PPP3CC: variants seen among roughly 807,000 people sequenced by gnomAD.
The protein encoded by PPP3CC is protein phosphatase 3 catalytic subunit gamma, also known as serine/threonine-protein phosphatase 2B catalytic subunit gamma isoform.
In PPP3CC, 35 loss-of-function variants were observed where a neutral mutation model predicts 60.3. The observed-to-expected ratio is 0.58, with a 90% confidence interval of 0.44 to 0.77. The LOEUF (loss-of-function observed/expected upper bound fraction) is 0.77, where lower values mean the gene tolerates loss of function less well. PPP3CC is among the 30% of genes least tolerant of loss of function. PPP3CC has a pLI of 0.00. For missense variants in PPP3CC, 570 were observed against 628.9 expected (o/e 0.91, Z 1.00); for synonymous variants, 206 against 224.3 (o/e 0.92, Z 0.73).
rs1181873468 is a variant in PPP3CC at position 22,522,477 on chromosome 8, ATTTTC to A, written c.771-8_771-4del. The A allele has an allele frequency of 6.3e-7, 1 of 1,584,278 alleles. No individual in the cohort carries two copies. The highest frequency in any genetic ancestry group is 8.6e-7 in the Non-Finnish European group (1 of 1,163,568). Reference sequence around the variant, plus strand: ...TTTAATTCTGGATTTATGTTTTCTAATTTTCTTTTCCAGTTACCCTGCAGTTTGTG... The same window carrying A: ...TTTAATTCTGGATTTATGTTTTCTAATTTTCCAGTTACCCTGCAGTTTGTG... On this transcript the variant is annotated splice_polypyrimidine_tract_variant and intron_variant, in intron 6 of 13. Transcript: ENST00000240139.
intron 6 of PPP3CC, among the ~76,000 whole-genome samples, chr8:22,519,390 T>A (rs1839343535): frequency 1.3e-5 from 2 of 152,242 alleles, no homozygotes; most frequent in Admixed American, 1.3e-4. Context: ...AAGGACTTAC[T>A]ATTACCATTT....
At chr8:22,507,010 TTGGGAGGCTGAGG>T (rs1489235615) in intron 4 of PPP3CC, among the ~76,000 whole-genome samples, 1 of 151,994 alleles carries the variant, frequency 6.6e-6, no homozygotes, top group African/African-American at 2.4e-5. Context: ...TCCCAGCACA[TTGGGAGGCTGAGG>T]TGGGAGGATC....
chr8:22,529,960 G>T (rs1839658080), intron 10 of PPP3CC, among the ~76,000 whole-genome samples: 1 of 152,170 alleles, frequency 6.6e-6, no homozygotes, highest in Non-Finnish European at 1.5e-5. Context: ...GGTCATCCAA[G>T]CACAAACCGG....
chr8:22,518,259 T>G lies in PPP3CC; in HGVS notation c.771-4232T>G, dbSNP rs142255065. ...TTTAAAATTTTTAGAGGAGATGAGG[T>G]CTTGCTGTGTTGCTTAGGCTGGTCT... is the stretch of plus-strand genomic sequence containing the variant. On this transcript the variant is annotated intron_variant, in intron 6 of 13. Transcript: ENST00000240139. 3.6e-3 allele frequency among the ~76,000 whole-genome samples: 547 copies of G among 152,180 alleles called. 1 individual carries two copies. Among genetic ancestry groups the G allele is most frequent in the African/African-American group, 0.013 (523 of 41,518 alleles).
At chr8:22,534,669 T>C (rs1166334708) in intron 12 of PPP3CC, among the ~76,000 whole-genome samples, 1 of 152,166 alleles carries the variant, frequency 6.6e-6, no homozygotes, top group Non-Finnish European at 1.5e-5. Context: ...TCATAATAGC[T>C]CAAAGCTGGA....
intron 1 of PPP3CC, among the ~76,000 whole-genome samples, chr8:22,461,944 AAGGTTTG>A (rs1837373995): frequency 6.6e-6 from 1 of 152,150 alleles, no homozygotes; most frequent in Non-Finnish European, 1.5e-5. Flanking sequence ...GATATTAATA[AAGGTTTG>A]AGGCTGGGCA....
rs1045522579 is a variant in PPP3CC, at chr8:22,449,607, G to A, written c.49+8149G>A. Among the ~76,000 whole-genome samples the A allele has an allele frequency of 3.9e-5, 6 of 152,090 alleles. No individual in the cohort carries two copies. In the East Asian group the frequency reaches 1.2e-3, roughly 29 times the overall value. ...AAGAATATTATAGCTGATGTGAAGT[G>A]GAGGCAGCTTGTTTAGCAGAAAAAG... On this transcript the variant is annotated intron_variant, in intron 1 of 13. Coordinates refer to ENST00000240139, the MANE Select transcript of PPP3CC (RefSeq NM_005605.5).
At chr8:22,528,066 C>T (rs567851947) in intron 9 of PPP3CC, among the ~76,000 whole-genome samples, 1 of 152,330 alleles carries the variant, frequency 6.6e-6, no homozygotes, top group South Asian at 2.1e-4. Flanking sequence ...AGTTACTTGT[C>T]ATTCCCTCAG....
At chr8:22,453,006 T>G (rs1230388256) in intron 1 of PPP3CC, among the ~76,000 whole-genome samples, 1 of 152,204 alleles carries the variant, frequency 6.6e-6, no homozygotes, top group Admixed American at 6.5e-5. Context: ...AATATTTAAG[T>G]ATGTGCAAGC....
At position 22,527,534 on chromosome 8, in the gene PPP3CC, A is replaced by G; in HGVS notation, c.1069+17A>G. ...GGGAAAAAGGTAAGAGAACTAAAGC[A>G]CATGTCTCATCAGTTGTTTGGTGAC... is the stretch of plus-strand genomic sequence containing the variant. On this transcript the variant is annotated intron_variant, in intron 9 of 13. Transcript: ENST00000240139. The G allele has an allele frequency of 6.2e-7, 1 of 1,612,438 alleles. No homozygotes were observed. Among genetic ancestry groups the G allele is most frequent in the Non-Finnish European group, 8.5e-7 (1 of 1,179,290 alleles).
At chr8:22,527,142 A>C (rs1298157696) in intron 8 of PPP3CC, among the ~76,000 whole-genome samples, 1 of 152,160 alleles carries the variant, frequency 6.6e-6, no homozygotes, top group Non-Finnish European at 1.5e-5. Context: ...AGTGACTCCA[A>C]AGTTTCAGTT....
intron 8 of PPP3CC, chr8:22,523,764 A>G (rs1221977184): frequency 9.2e-6 from 4 of 436,236 alleles, no homozygotes; most frequent in African/African-American, 2.0e-5. Flanking sequence ...AAGGTGAGTG[A>G]TCAAGCTAGA....
In PPP3CC at chr8:22,513,338, C is replaced by A. The variant is rs761321350; in HGVS notation, c.676C>A (p.Leu226Met). The A allele has an allele frequency of 1.2e-6, 2 of 1,613,290 alleles. No homozygotes were observed. The highest frequency in any genetic ancestry group is 3.3e-5 in the Admixed American group (2 of 59,930). ...TCCCGCCTTTGGACCTGTGTGTGAC[C>A]TGCTTTGGTCTGATCCCTCAGAGGA... ...EPPAFGPVCD[L>M]LWSDPSEDYG... Residue 226 changes from leucine (L) to methionine (M), a missense_variant, in exon 6 of 14, where the codon CTG (leucine) becomes ATG (methionine). Physicochemically the swap from Leu to Met is conservative, Grantham distance 15. Coordinates refer to ENST00000240139, the MANE Select transcript of PPP3CC (RefSeq NM_005605.5).
intron 12 of PPP3CC, among the ~76,000 whole-genome samples, chr8:22,537,806 C>T (rs1179061918): frequency 6.6e-6 from 1 of 152,138 alleles, no homozygotes; most frequent in Admixed American, 6.5e-5. Context: ...CTACAGACCA[C>T]ATATTATATG....
At chr8:22,540,571 C>A in intron 13 of PPP3CC, 44 bp from the exon 14 acceptor site, 1 of 1,558,746 alleles carries the variant, frequency 6.4e-7, no homozygotes, top group Non-Finnish European at 8.7e-7. Flanking sequence ...TGTTGCTTTG[C>A]TGCCTAATTG....
intron 10 of PPP3CC, among the ~76,000 whole-genome samples, chr8:22,530,323 C>CCA (rs1839670973): frequency 6.6e-6 from 1 of 151,094 alleles, no homozygotes; most frequent in Non-Finnish European, 1.5e-5. Flanking sequence ...GATGTGATGG[C>CCA]GAGTGCTTCT....
rs148681384 is a variant in PPP3CC, at chr8:22,463,417, A to G, written c.50-11537A>G. 3.4e-3 allele frequency among the ~76,000 whole-genome samples: 521 copies of G among 152,324 alleles called. 6 individuals are homozygous for G. Among genetic ancestry groups the G allele is most frequent in the Admixed American group, 0.021 (322 of 15,300 alleles). On this transcript the variant is annotated intron_variant, in intron 1 of 13. Coordinates refer to ENST00000240139, the MANE Select transcript of PPP3CC (RefSeq NM_005605.5). ...AAAGTTCTTTTGATAAGTCTTCCAC[A>G]AGGCTCAATTCCTATCTTTAGCTTA...
At chr8:22,532,391 T>C (rs1432428515) in intron 11 of PPP3CC, 85 bp downstream of exon 11, 1 of 1,128,964 alleles carries the variant, frequency 8.9e-7, no homozygotes, top group Non-Finnish European at 1.3e-6. Context: ...TTTTTATAAT[T>C]GGAATGTAGT....
chr8:22,479,616 C>T (rs1313566707), intron 3 of PPP3CC, among the ~76,000 whole-genome samples: 10 of 151,346 alleles, frequency 6.6e-5, no homozygotes, highest in East Asian at 1.9e-4. Flanking sequence ...TGGTGGTGGG[C>T]GCCTGTAATC....
Sources: allele counts gnomAD v4.1 joint callset (sites outside exome capture counted in the v4.1 genomes callset), GRCh38; gene constraint gnomAD v4.1.1; transcripts MANE v1.5; gene names NCBI Gene and HGNC (gene_info 2026-07-23, HGNC 2026-07-21).